ATAD2: variants seen among roughly 807,000 people sequenced by gnomAD.
ATAD2 encodes the protein ATPase family AAA domain containing 2, also known as ATPase family AAA domain-containing protein 2.
Under a neutral mutation model 168.9 loss-of-function variants are expected in ATAD2, and 62 were observed. The observed-to-expected ratio is 0.37, with a 90% CI of 0.30 to 0.45. ATAD2 has a LOEUF of 0.45. Ranked by LOEUF, ATAD2 falls within the 20% of genes least tolerant of loss-of-function variation. The pLI is 1.00. For missense variants in ATAD2, 1,419 were observed against 1,667.8 expected, an observed-to-expected ratio of 0.85 and a Z score of 2.60; for synonymous variants, 613 against 571.6, an observed-to-expected ratio of 1.07 and a Z score of -1.03.
chr8:123,336,776 C>T (rs1827926275), intron 21 of ATAD2, among the ~76,000 whole-genome samples: 1 of 152,130 alleles, frequency 6.6e-6, no homozygotes, highest in Non-Finnish European at 1.5e-5. Flanking sequence ...TCTCCAGTAA[C>T]AGCCTATATT....
At chr8:123,321,801 G>A (rs1827475176) in intron 27 of ATAD2, among the ~76,000 whole-genome samples, 1 of 151,984 alleles carries the variant, frequency 6.6e-6, no homozygotes, top group Non-Finnish European at 1.5e-5. Flanking sequence ...CCAGTGTGGT[G>A]GTGCTTGCCT....
intron 13 of ATAD2, among the ~76,000 whole-genome samples, chr8:123,350,977 C>T (rs1828434930): frequency 1.5e-5 from 2 of 137,130 alleles, no homozygotes; most frequent in African/African-American, 7.3e-5. Context: ...GTGATCTGCC[C>T]TGCCTGCCTA....
intron 8 of ATAD2, 99 bp from the exon 9 acceptor site, chr8:123,361,745 A>C: frequency 1.1e-6 from 1 of 919,148 alleles, no homozygotes; most frequent in Non-Finnish European, 1.7e-6. Flanking sequence ...CAAAAAGTTT[A>C]TCATAAAATT....
chr8:123,356,974 T>C (rs540131596), intron 12 of ATAD2, among the ~76,000 whole-genome samples: 1 of 152,206 alleles, frequency 6.6e-6, no homozygotes, highest in African/African-American at 2.4e-5. Flanking sequence ...CACGCAAAAA[T>C]ATTTATTGAA....
chr8:123,362,700 T>C (rs899634599), intron 8 of ATAD2, among the ~76,000 whole-genome samples: 4 of 151,878 alleles, frequency 2.6e-5, no homozygotes, highest in Non-Finnish European at 4.4e-5. Context: ...AAGGTGTGAG[T>C]CATCACGCCC....
intron 1 of ATAD2, among the ~76,000 whole-genome samples, chr8:123,388,919 C>T (rs779234502): frequency 1.3e-5 from 2 of 151,816 alleles, no homozygotes; most frequent in Non-Finnish European, 2.9e-5. Context: ...AAAATACAGG[C>T]ATTGCTTCAG....
chr8:123,382,607 C>T (rs1288186238), intron 1 of ATAD2, among the ~76,000 whole-genome samples: 1 of 152,192 alleles, frequency 6.6e-6, no homozygotes, highest in African/African-American at 2.4e-5. Flanking sequence ...TTCATTTGCC[C>T]TTCTCCATTT....
chr8:123,398,175 A>ACTT (rs577030442), upstream of ATAD2, among the ~76,000 whole-genome samples: 116 of 151,216 alleles, frequency 7.7e-4, 1 homozygote, highest in African/African-American at 2.7e-3. Flanking sequence ...GTTTATCTGA[A>ACTT]CTTCGCATTT....
intron 12 of ATAD2, 63 bp from the exon 13 acceptor site, chr8:123,356,540 TA>T: frequency 9.5e-7 from 1 of 1,054,592 alleles, no homozygotes. Context: ...AGACTTAATA[TA>T]AACCATTTTA....
intron 2 of ATAD2, among the ~76,000 whole-genome samples, 169 bp from the exon 3 acceptor site, chr8:123,372,855 A>T (rs1439837614): frequency 6.6e-6 from 1 of 151,126 alleles, no homozygotes; most frequent in Non-Finnish European, 1.5e-5. Context: ...CAGCCTCCCC[A>T]GTAGGTAGAA....
chr8:123,396,451 G>T, upstream of ATAD2: 1 of 1,327,048 alleles, frequency 7.5e-7, no homozygotes, highest in Non-Finnish European at 9.9e-7. Flanking sequence ...GAATTCTGGC[G>T]CCACAAGCTC....
chr8:123,389,635 G>A (rs1056901114), intron 1 of ATAD2, among the ~76,000 whole-genome samples: 13 of 149,484 alleles, frequency 8.7e-5, no homozygotes, highest in East Asian at 2.0e-4. Context: ...GCAAGGCTCC[G>A]TCTCAAAAAC....
chr8:123,394,725 A>G (rs1812750155), intron 1 of ATAD2, among the ~76,000 whole-genome samples: 3 of 152,252 alleles, frequency 2.0e-5, no homozygotes, highest in Admixed American at 2.0e-4. Flanking sequence ...TACCCTGGAC[A>G]TAAATAATCA....
At chr8:123,397,086 A>G (rs1008168413), upstream of ATAD2, among the ~76,000 whole-genome samples, 1 of 152,022 alleles carries the variant, frequency 6.6e-6, no homozygotes, top group Admixed American at 6.6e-5. Context: ...ATCATCCCAC[A>G]TAGAAGATCT....
chr8:123,365,015 C>T (rs1828930954), intron 8 of ATAD2, among the ~76,000 whole-genome samples: 1 of 151,582 alleles, frequency 6.6e-6, no homozygotes, highest in South Asian at 2.1e-4. Context: ...TGATTGTGCA[C>T]CTAGAAAACC....
At chr8:123,337,422 C>T (rs537186679) in intron 21 of ATAD2, among the ~76,000 whole-genome samples, 1 of 152,006 alleles carries the variant, frequency 6.6e-6, no homozygotes, top group South Asian at 2.1e-4. Flanking sequence ...GTTGGGGAGA[C>T]AAAGTTAATT....
intron 27 of ATAD2, among the ~76,000 whole-genome samples, 154 bp from the exon 28 acceptor site, chr8:123,321,329 T>G (rs942329033): frequency 2.0e-4 from 29 of 148,012 alleles, no homozygotes; most frequent in African/African-American, 6.7e-4. Context: ...TATTTAAGAC[T>G]GCCACATAGA....
intron 2 of ATAD2, among the ~76,000 whole-genome samples, chr8:123,379,562 ATTT>A (rs67580328): frequency 1.9e-4 from 25 of 129,974 alleles, no homozygotes; most frequent in Admixed American, 1.5e-4. Flanking sequence ...GTACATACTA[ATTT>A]TTTTTTTTTT....
chr8:123,326,342 T>C (rs1243944454), intron 25 of ATAD2, among the ~76,000 whole-genome samples: 1 of 151,994 alleles, frequency 6.6e-6, no homozygotes, highest in Non-Finnish European at 1.5e-5. Flanking sequence ...ACAGGGGTTG[T>C]AAAATACCAC....
Sources: allele counts gnomAD v4.1 joint callset (sites outside exome capture counted in the v4.1 genomes callset), GRCh38; gene constraint gnomAD v4.1.1; transcripts MANE v1.5; gene names NCBI Gene and HGNC (gene_info 2026-07-23, HGNC 2026-07-21).